The following ACADL variants were observed in gnomAD, a reference collection of about 807,000 sequenced individuals.
ACADL encodes acyl-CoA dehydrogenase long chain.
Under a neutral mutation model 56.9 loss-of-function variants are expected in ACADL, and 60 were observed. The ratio of observed to expected loss-of-function variants is 1.05; its 90% confidence interval spans 0.86 to 1.31. The LOEUF is 1.31. Among genes scored for constraint, ACADL ranks in the 50% most tolerant of loss-of-function variants. The pLI is 0.00. For synonymous variants in ACADL, 158 were observed against 179.7 expected (o/e 0.88, Z 0.97); for missense variants, 484 against 525.5 (o/e 0.92, Z 0.77).
chr2:210,195,609 C>T (rs1176824469), intron 8 of ACADL, among the ~76,000 whole-genome samples: 1 of 152,042 alleles, frequency 6.6e-6, no homozygotes, highest in Non-Finnish European at 1.5e-5. Context: ...AAAATTTAGA[C>T]GAGGCAAAAT....
At chr2:210,218,810 T>C (rs1054333501) in intron 2 of ACADL, among the ~76,000 whole-genome samples, 1 of 152,172 alleles carries the variant, frequency 6.6e-6, no homozygotes, top group African/African-American at 2.4e-5. Flanking sequence ...GGTACAAGCA[T>C]ACAAAAGCTG....
chr2:210,205,532 G>T, intron 6 of ACADL, 100 bp downstream of exon 6: 1 of 1,189,022 alleles, frequency 8.4e-7, no homozygotes, highest in Non-Finnish European at 1.2e-6. Context: ...ATTCAGCATA[G>T]GAAATAAAAT....
chr2:210,218,199 T>G, intron 2 of ACADL, 97 bp from the exon 3 acceptor site: 1 of 1,237,540 alleles, frequency 8.1e-7, no homozygotes. Flanking sequence ...AGAAATGCAT[T>G]CTTAATTTAA....
At chr2:210,206,165 C>T (rs911973795) in intron 5 of ACADL, among the ~76,000 whole-genome samples, 6 of 151,964 alleles carry the variant, frequency 3.9e-5, no homozygotes, top group Admixed American at 2.0e-4. Context: ...TGGCCGGGCC[C>T]GGTGGCTCAC....
chr2:210,215,245 C>G (rs1221153659), intron 4 of ACADL, among the ~76,000 whole-genome samples: 1 of 151,948 alleles, frequency 6.6e-6, no homozygotes, highest in Non-Finnish European at 1.5e-5. Flanking sequence ...AGAAAGATTA[C>G]TTTGTGTTCT....
intron 4 of ACADL, among the ~76,000 whole-genome samples, chr2:210,213,455 G>A (rs151185413): frequency 1.2e-3 from 184 of 152,022 alleles, no homozygotes; most frequent in African/African-American, 4.0e-3. Flanking sequence ...AGCCGAGATC[G>A]CGCCATTGCA....
chr2:210,198,605 C>T (rs770279316), intron 8 of ACADL, among the ~76,000 whole-genome samples: 3 of 152,066 alleles, frequency 2.0e-5, no homozygotes, highest in Non-Finnish European at 4.4e-5. Context: ...CTTTGCACTT[C>T]TGGGCAGTAA....
chr2:210,216,350 C>G lies in ACADL; in HGVS notation c.533G>C (p.Gly178Ala). ...AGCCAACTAAATATTAACTTACCTTCCAGCTCCAGGCTCTGTCATTGCTAT... is the reference window on the plus strand; with the variant it reads ...AGCCAACTAAATATTAACTTACCTTGCAGCTCCAGGCTCTGTCATTGCTAT... ...GAIAMTEPGA[G>A]SDLQGIKTNA... The change falls in exon 4 of 11, where the codon GGA becomes GCA. Residue 178 changes from glycine to alanine, a missense_variant. Coordinates refer to ENST00000233710, the MANE Select transcript of ACADL (RefSeq NM_001608.4). The G allele has an allele frequency of 6.2e-7, 1 of 1,613,588 alleles. No homozygotes were observed. The highest frequency in any genetic ancestry group is 8.5e-7 in the Non-Finnish European group (1 of 1,179,696).
chr2:210,223,509 CA>C (rs1388247589), intron 1 of ACADL, among the ~76,000 whole-genome samples: 1 of 152,166 alleles, frequency 6.6e-6, no homozygotes, highest in Non-Finnish European at 1.5e-5. Flanking sequence ...GATTCCTTTG[CA>C]CATTAAAGGT....
At chr2:210,194,270 A>G (rs1402018575) in intron 9 of ACADL, among the ~76,000 whole-genome samples, 1 of 152,300 alleles carries the variant, frequency 6.6e-6, no homozygotes, top group East Asian at 1.9e-4. Context: ...GTAATTCCAC[A>G]TTATTTTTCA....
intron 10 of ACADL, among the ~76,000 whole-genome samples, chr2:210,190,649 T>C (rs1688616412): frequency 6.6e-6 from 1 of 152,078 alleles, no homozygotes. Context: ...GGCTCGAGCC[T>C]AATGAGTAAG....
At chr2:210,190,383 C>T (rs951800302) in intron 10 of ACADL, among the ~76,000 whole-genome samples, 1 of 152,026 alleles carries the variant, frequency 6.6e-6, no homozygotes, top group South Asian at 2.1e-4. Flanking sequence ...AGTCCCAATG[C>T]GTTTAGATAT....
Position 210,207,929 on chromosome 2 carries a change from T to A in ACADL, c.604-2133A>T, listed in dbSNP as rs564277707. Among the ~76,000 whole-genome samples, 5 of 152,326 alleles carry A rather than the reference T, an allele frequency of 3.3e-5. No individual in the cohort carries two copies. The South Asian group carries it at 1.0e-3, about 32-fold the overall frequency. On this transcript the variant is annotated intron_variant, in intron 5 of 10. Transcript: ENST00000233710. ...GCACAGAGGAGGCCAAAGGATGTTT[T>A]AAAAATATATTTTGAAAAAGATGTT...
chr2:210,206,860 T>C (rs922009755), intron 5 of ACADL, among the ~76,000 whole-genome samples: 4 of 152,124 alleles, frequency 2.6e-5, no homozygotes, highest in Non-Finnish European at 4.4e-5. Flanking sequence ...CATAGCTCTT[T>C]GCAGCCTCAA....
intron 1 of ACADL, chr2:210,224,516 AC>A: frequency 1.2e-5 from 12 of 985,354 alleles, no homozygotes; most frequent in South Asian, 4.7e-5. Context: ...AGTATCTGAA[AC>A]TTTTGATCAT....
intron 4 of ACADL, among the ~76,000 whole-genome samples, chr2:210,210,603 T>G (rs1185539973): frequency 6.6e-6 from 1 of 152,192 alleles, no homozygotes; most frequent in Non-Finnish European, 1.5e-5. Context: ...CCATGTACTT[T>G]GCTGCCTTTA....
At chr2:210,193,849 A>G (rs1435671767) in intron 9 of ACADL, among the ~76,000 whole-genome samples, 1 of 152,100 alleles carries the variant, frequency 6.6e-6, no homozygotes, top group African/African-American at 2.4e-5. Context: ...TTATTTTTCA[A>G]TAGTGGGAAG....
At chr2:210,206,690 T>C (rs1688893204) in intron 5 of ACADL, among the ~76,000 whole-genome samples, 1 of 152,170 alleles carries the variant, frequency 6.6e-6, no homozygotes, top group African/African-American at 2.4e-5. Context: ...TTAATAATTA[T>C]CTTCTCATTC....
intron 3 of ACADL, 92 bp downstream of exon 3, chr2:210,217,873 A>ATTTG (rs34384847): frequency 5.6e-5 from 83 of 1,483,740 alleles, no homozygotes; most frequent in African/African-American, 1.5e-4. Context: ...ATTAGAAAAC[A>ATTTG]TTTGTTTGTT....
Sources: gnomAD v4.1 joint callset for allele counts (sites outside exome capture counted in the v4.1 genomes callset) on GRCh38, gnomAD v4.1.1 for gene constraint, MANE v1.5 for transcripts, NCBI Gene and HGNC (gene_info 2026-07-23, HGNC 2026-07-21) for gene names.